Variants in LRRC75A observed in about 807,000 individuals in gnomAD.
LRRC75A encodes the protein leucine-rich repeat-containing protein 75A.
LRRC75A carries 12 observed loss-of-function variants against 26.0 expected under a neutral mutation model. The observed-to-expected ratio is 0.46, with a 90% CI of 0.30 to 0.75. The LOEUF is 0.75. Ranked by LOEUF, LRRC75A falls within the 30% of genes least tolerant of loss-of-function variation. The pLI is 0.08. For missense variants in LRRC75A, 410 were observed against 486.6 expected (o/e 0.84, Z 1.48); for synonymous variants, 223 against 219.3 (o/e 1.02, Z -0.15).
At chr17:16,469,462 C>T (rs2093794026) in intron 1 of LRRC75A, among the ~76,000 whole-genome samples, 1 of 152,184 alleles carries the variant, frequency 6.6e-6, no homozygotes, top group Non-Finnish European at 1.5e-5. Context: ...CTTCCCCCCT[C>T]CCCAGCTTGT....
At chr17:16,473,035 T>G (rs1292214018) in intron 1 of LRRC75A, among the ~76,000 whole-genome samples, 1 of 152,082 alleles carries the variant, frequency 6.6e-6, no homozygotes, top group African/African-American at 2.4e-5. Flanking sequence ...AATAATGAAA[T>G]TGGTATGTTA....
rs531819741 is a variant in LRRC75A at position 16,458,956 on chromosome 17, C to T, written c.375+3302G>A. ...GTTTGCTATATGGCAATGGATAATG[C>T]AGCGTGGCTCTGGACCAGGTGTTCT... On this transcript the variant is annotated intron_variant, in intron 2 of 3. Transcript: ENST00000470794. Among the ~76,000 whole-genome samples the T allele has an allele frequency of 2.0e-5, 3 of 152,342 alleles. No homozygotes were observed. The South Asian group carries it at 6.2e-4, about 32-fold the overall frequency.
At chr17:16,446,801 C>A in intron 3 of LRRC75A, 1 of 223,606 alleles carries the variant, frequency 4.5e-6, no homozygotes. Context: ...CCAAGGGCCC[C>A]CCGTCTTGCT....
intron 2 of LRRC75A, among the ~76,000 whole-genome samples, chr17:16,455,781 G>A (rs1729662714): frequency 6.6e-6 from 1 of 152,188 alleles, no homozygotes; most frequent in African/African-American, 2.4e-5. Context: ...CTTGTAAGAC[G>A]GAGTCAGGAT....
intron 3 of LRRC75A, 26 bp downstream of exon 3, chr17:16,447,819 G>C (rs780016788): frequency 2.9e-5 from 44 of 1,494,064 alleles, no homozygotes; most frequent in East Asian, 2.5e-5. Context: ...GCCTGGCATA[G>C]ACCTGCCCGG....
intron 1 of LRRC75A, among the ~76,000 whole-genome samples, chr17:16,479,277 GA>G (rs2093828097): frequency 6.6e-6 from 1 of 152,228 alleles, no homozygotes; most frequent in South Asian, 2.1e-4. Context: ...TCAAGAGAAA[GA>G]GGGCAAGTAC....
chr17:16,443,591 C>A lies in LRRC75A; in HGVS notation c.1032G>T (p.Thr344=). 6.6e-7 allele frequency: 1 copy of A among 1,520,532 alleles called. No homozygotes were observed. The allele number at this position is 1,520,532 out of a possible 1,614,324, so 94.2% of individuals were successfully genotyped here. The change falls in exon 4 of 4, where the codon ACG becomes ACT. Residue 344 remains threonine (T), a synonymous_variant. Transcript: ENST00000470794. ...GGTGAGGCCCTTCACTTCCATGTCA[C>A]GTCTGAGCTGCAGCTACAGTCTCCT... The part of the protein sequence containing the change: ...EGKETVAAAQ[T]
chr17:16,454,932 C>CT (rs775819720), intron 2 of LRRC75A, among the ~76,000 whole-genome samples: 103 of 107,918 alleles, frequency 9.5e-4, no homozygotes, highest in Admixed American at 9.5e-4. Context: ...CTTTTCTTTT[C>CT]TTTTTTTTTT....
At chr17:16,468,295 G>GA (rs2093784539) in intron 1 of LRRC75A, among the ~76,000 whole-genome samples, 1 of 152,206 alleles carries the variant, frequency 6.6e-6, no homozygotes, top group Non-Finnish European at 1.5e-5. Context: ...GCCAAAAGGC[G>GA]AAAACAATCC....
chr17:16,456,675 A>G (rs1324764422), intron 2 of LRRC75A, among the ~76,000 whole-genome samples: 1 of 152,182 alleles, frequency 6.6e-6, no homozygotes, highest in Non-Finnish European at 1.5e-5. Context: ...CGAGGAGGGA[A>G]GGAGGGACCT....
rs148606298 is a variant in LRRC75A, at chr17:16,454,418, G to A, written c.376-6458C>T. On this transcript the variant is annotated intron_variant, in intron 2 of 3. Transcript: ENST00000470794. ...AAACAAACAAACAAACAGGCCAGGC[G>A]TGGTGGCTCATGCCTGTAATCCCAG... is the stretch of plus-strand genomic sequence containing the variant. Among the ~76,000 whole-genome samples the A allele has an allele frequency of 6.4e-3, 950 of 149,436 alleles. 9 individuals are homozygous for A. Among genetic ancestry groups the A allele is most frequent in the African/African-American group, 0.022 (907 of 40,406 alleles).
chr17:16,459,855 G>A lies in LRRC75A; in HGVS notation c.375+2403C>T, dbSNP rs143749302. On this transcript the variant is annotated intron_variant, in intron 2 of 3. Transcript: ENST00000470794. ...AGAGCCTCGCTTGCCACATGGGCACGAAAGGGGCCTTCCAGGTCTCTGGGC... is the reference window on the plus strand; with the variant it reads ...AGAGCCTCGCTTGCCACATGGGCACAAAAGGGGCCTTCCAGGTCTCTGGGC... 3.3e-5 allele frequency among the ~76,000 whole-genome samples: 5 copies of A among 152,324 alleles called. No individual in the cohort carries two copies. In the East Asian group the frequency reaches 9.6e-4, roughly 29 times the overall value.
chr17:16,487,711 A>C (rs2093849812), intron 1 of LRRC75A, among the ~76,000 whole-genome samples: 3 of 152,222 alleles, frequency 2.0e-5, no homozygotes, highest in Admixed American at 2.0e-4. Flanking sequence ...CTGGGATTAC[A>C]GGTGTGAGCA....
intron 1 of LRRC75A, chr17:16,470,618 G>A (rs900150980): frequency 3.9e-5 from 6 of 152,188 alleles, no homozygotes; most frequent in African/African-American, 1.4e-4. Flanking sequence ...CCTCTTCCCC[G>A]TGACATTCCG....
At chr17:16,451,088 A>T (rs1253180930) in intron 2 of LRRC75A, among the ~76,000 whole-genome samples, 1 of 152,162 alleles carries the variant, frequency 6.6e-6, no homozygotes, top group African/African-American at 2.4e-5. Context: ...CACATTCATC[A>T]GTAAGATTAA....
In LRRC75A at chr17:16,443,759, G is replaced by T. The variant is rs775650171; in HGVS notation, c.864C>A (p.Arg288=). The T allele has an allele frequency of 6.2e-7, 1 of 1,613,782 alleles. No homozygotes were observed. The highest frequency in any genetic ancestry group is 8.5e-7 in the Non-Finnish European group (1 of 1,179,728). Residue 288 remains arginine, a synonymous_variant, in exon 4 of 4, where the codon CGC becomes CGA. Coordinates refer to ENST00000470794, the MANE Select transcript of LRRC75A (RefSeq NM_001113567.3). The stretch of plus-strand genomic sequence containing the variant: ...TGGGTAGGTGGCCCTGCTTTGGGGA[G>T]CGCTTGCGCAGGCTGAGCAGGAAGG... ...PQPFLLSLRK[R]SPKQGHLPTI...
chr17:16,480,394 C>A (rs2093830783), intron 1 of LRRC75A, among the ~76,000 whole-genome samples: 1 of 152,062 alleles, frequency 6.6e-6, no homozygotes, highest in Non-Finnish European at 1.5e-5. Flanking sequence ...CTTTGGGAGG[C>A]CGAGGTGGGC....
intron 1 of LRRC75A, among the ~76,000 whole-genome samples, chr17:16,475,719 C>G (rs1006850848): frequency 6.6e-6 from 1 of 152,016 alleles, no homozygotes; most frequent in Non-Finnish European, 1.5e-5. Flanking sequence ...ACTACAGGTA[C>G]GTGCTACCAC....
intron 2 of LRRC75A, among the ~76,000 whole-genome samples, chr17:16,454,843 T>C (rs1192853829): frequency 6.6e-6 from 1 of 152,054 alleles, no homozygotes; most frequent in Non-Finnish European, 1.5e-5. Flanking sequence ...TTGCTGGTAT[T>C]GAATTCCTGG....
Sources: gnomAD v4.1 joint callset for allele counts (sites outside exome capture counted in the v4.1 genomes callset) on GRCh38, gnomAD v4.1.1 for gene constraint, MANE v1.5 for transcripts, NCBI Gene and HGNC (gene_info 2026-07-23, HGNC 2026-07-21) for gene names.